Variants in EPHA5 observed in about 807,000 individuals in gnomAD.
EPHA5 encodes ephrin type-A receptor 5.
Under a neutral mutation model 105.0 loss-of-function variants are expected in EPHA5, and 60 were observed. That is an observed-to-expected ratio of 0.57 (90% CI 0.46 to 0.71). EPHA5 has a LOEUF of 0.71. EPHA5 is among the 30% of genes least tolerant of loss of function. EPHA5 has a pLI of 0.00. For synonymous variants in EPHA5, 513 were observed against 449.1 expected (o/e 1.14, Z -1.80); for missense variants, 1,218 against 1,274.7 (o/e 0.96, Z 0.68).
At chr4:65,662,098 G>A (rs1749604841) in intron 1 of EPHA5, among the ~76,000 whole-genome samples, 1 of 152,006 alleles carries the variant, frequency 6.6e-6, no homozygotes, top group Admixed American at 6.6e-5. Context: ...AGTGGAGGAT[G>A]GAAGGAGGGA....
intron 8 of EPHA5, among the ~76,000 whole-genome samples, chr4:65,373,429 A>G (rs979976743): frequency 5.9e-4 from 90 of 152,078 alleles, no homozygotes; most frequent in African/African-American, 2.1e-3. Context: ...CAGATATCTT[A>G]TAAAGATGAA....
At chr4:65,651,406 G>A (rs1361621502) in intron 1 of EPHA5, among the ~76,000 whole-genome samples, 2 of 152,180 alleles carry the variant, frequency 1.3e-5, no homozygotes, top group African/African-American at 4.8e-5. Flanking sequence ...CAACTTGTAA[G>A]TGGCAGAGCT....
chr4:65,528,997 G>C (rs190808880), intron 3 of EPHA5, among the ~76,000 whole-genome samples: 1 of 152,252 alleles, frequency 6.6e-6, no homozygotes, highest in Non-Finnish European at 1.5e-5. Flanking sequence ...GGAAAGCACT[G>C]AGGTAATATT....
intron 8 of EPHA5, among the ~76,000 whole-genome samples, chr4:65,403,939 C>A (rs1722104029): frequency 6.6e-6 from 1 of 152,014 alleles, no homozygotes; most frequent in Admixed American, 6.6e-5. Flanking sequence ...TTGTATACAC[C>A]ACCCTGTTAG....
chr4:65,579,307 T>C (rs906173617), intron 3 of EPHA5, among the ~76,000 whole-genome samples: 1 of 149,030 alleles, frequency 6.7e-6, no homozygotes, highest in South Asian at 2.1e-4. Flanking sequence ...AGAAAAGAGA[T>C]GTAATTGAGA....
At chr4:65,345,461 C>A (rs1226243739) in intron 14 of EPHA5, among the ~76,000 whole-genome samples, 2 of 152,204 alleles carry the variant, frequency 1.3e-5, no homozygotes, top group African/African-American at 2.4e-5. Context: ...GAGCAGCCTG[C>A]AACAGATATC....
intron 8 of EPHA5, among the ~76,000 whole-genome samples, chr4:65,375,772 G>A (rs904729119): frequency 3.9e-5 from 5 of 128,210 alleles, no homozygotes; most frequent in Non-Finnish European, 8.1e-5. Flanking sequence ...TCATAGCACA[G>A]AAACACACAC....
At position 65,414,343 on chromosome 4, in the gene EPHA5, C is replaced by T. The variant is rs1254027522; in HGVS notation, c.1628G>A (p.Arg543His). 1.9e-5 allele frequency: 31 copies of T among 1,613,870 alleles called. No homozygotes were observed. Among genetic ancestry groups the T allele is most frequent in the South Asian group, 4.4e-5 (4 of 91,084 alleles). The stretch of plus-strand genomic sequence containing the variant: ...GAAGACACCATAGCCTGCTGCTGTA[C>T]GTGCTCGAATTTGGAAGACATAAAC... ...ASVYVFQIRA[R>H]TAAGYGVFSR... The change falls in exon 7 of 17, where the codon CGT (arginine) becomes CAT (histidine). Residue 543 changes from arginine to histidine, a missense_variant. By Grantham distance (29) the Arg-to-His change is conservative. Around this residue, in one of 3 missense-constraint regions of EPHA5, gnomAD observed 971 missense variants for 1,013.5 expected, o/e 0.96. Transcript: ENST00000613740.
Position 65,595,261 on chromosome 4 carries a change from T to C in EPHA5, c.910+6380A>G, listed in dbSNP as rs553893162. On this transcript the variant is annotated intron_variant, in intron 3 of 16. Transcript: ENST00000613740. ...TGTAGATGTGAGTCTATATGCATGT[T>C]TGTATGTATATATGTCCACATTCCT... Among the ~76,000 whole-genome samples the C allele has an allele frequency of 3.9e-5, 6 of 152,234 alleles. 1 individual carries two copies. The highest frequency in any genetic ancestry group is 1.9e-4 in the East Asian group (1 of 5,170).
At chr4:65,605,942 T>C (rs1315892650) in intron 2 of EPHA5, among the ~76,000 whole-genome samples, 2 of 152,158 alleles carry the variant, frequency 1.3e-5, no homozygotes, top group Non-Finnish European at 2.9e-5. Context: ...CTATTGTTCA[T>C]TTTAGAAATA....
At chr4:65,512,111 G>T (rs1305151944) in intron 3 of EPHA5, among the ~76,000 whole-genome samples, 1 of 152,140 alleles carries the variant, frequency 6.6e-6, no homozygotes, top group Non-Finnish European at 1.5e-5. Flanking sequence ...GGTGGGGAAT[G>T]AAAAGAGGGT....
intron 3 of EPHA5, among the ~76,000 whole-genome samples, chr4:65,507,091 T>G (rs191624135): frequency 0.038 from 5,818 of 152,160 alleles, 132 homozygotes; most frequent in Admixed American, 0.073. Flanking sequence ...ATATGGCTAG[T>G]CAGTTTTCCC....
At chr4:65,567,851 T>C (rs946277293) in intron 3 of EPHA5, among the ~76,000 whole-genome samples, 3 of 151,532 alleles carry the variant, frequency 2.0e-5, no homozygotes, top group African/African-American at 7.2e-5. Context: ...GCCTATATTG[T>C]CAGACTTATA....
At chr4:65,381,690 T>C (rs945851634) in intron 8 of EPHA5, among the ~76,000 whole-genome samples, 1 of 151,788 alleles carries the variant, frequency 6.6e-6, no homozygotes, top group African/African-American at 2.4e-5. Flanking sequence ...TTCCGCCAAA[T>C]TTGTATGTTG....
At chr4:65,595,598 T>C (rs1237434685) in intron 3 of EPHA5, among the ~76,000 whole-genome samples, 1 of 151,284 alleles carries the variant, frequency 6.6e-6, no homozygotes, top group East Asian at 1.9e-4. Flanking sequence ...TTTTTTTTTT[T>C]GAGACGGAGC....
chr4:65,493,316 TA>T (rs1731600899), intron 4 of EPHA5, among the ~76,000 whole-genome samples: 2 of 152,186 alleles, frequency 1.3e-5, no homozygotes, highest in Admixed American at 1.3e-4. Flanking sequence ...ATCAGGATTT[TA>T]GGTTTTATTT....
chr4:65,414,541 A>G, intron 6 of EPHA5, 98 bp from the exon 7 acceptor site: 1 of 1,287,210 alleles, frequency 7.8e-7, no homozygotes, highest in South Asian at 1.4e-5. Context: ...ATCAGAAACC[A>G]AAGGACTCTA....
chr4:65,407,880 C>A (rs896677855), intron 7 of EPHA5, among the ~76,000 whole-genome samples: 1 of 151,814 alleles, frequency 6.6e-6, no homozygotes, highest in Non-Finnish European at 1.5e-5. Flanking sequence ...CTCAACCTTC[C>A]GAGTAGCTGG....
chr4:65,356,091 A>G (rs1723270923), intron 11 of EPHA5, among the ~76,000 whole-genome samples: 1 of 151,516 alleles, frequency 6.6e-6, no homozygotes, highest in African/African-American at 2.4e-5. Flanking sequence ...CTCTCAGCTC[A>G]TATCACATGA....
Sources: gnomAD v4.1 joint callset for allele counts (sites outside exome capture counted in the v4.1 genomes callset) on GRCh38, gnomAD v4.1.1 for gene constraint, gnomAD v4.1.1 regional missense constraint, MANE v1.5 for transcripts, NCBI Gene and HGNC (gene_info 2026-07-23, HGNC 2026-07-21) for gene names.